The following CDHR3 variants were observed in gnomAD, a reference collection of about 807,000 sequenced individuals.
CDHR3 encodes cadherin-related family member 3.
A neutral mutation model predicts 86.6 loss-of-function variants in CDHR3; 79 were observed. The ratio of observed to expected loss-of-function variants is 0.91; its 90% CI spans 0.76 to 1.10. The LOEUF is 1.10. Ranked by LOEUF, CDHR3 falls within the 50% of genes least tolerant of loss-of-function variation. The pLI is 0.00. For missense variants in CDHR3, 1,081 were observed against 1,077.6 expected (o/e 1.00, Z -0.04); for synonymous variants, 421 against 402.4 (o/e 1.05, Z -0.55).
chr7:106,004,622 C>T lies in CDHR3; in HGVS notation c.987C>T (p.Ile329=), dbSNP rs369374609. ...DRPYGGQENR[I]QITFIVEDVN... is the part of the protein sequence containing the mutation. ...CATATGGGGGTCAGGAGAATCGCAT[C>T]CAGATAACCTTCATTGTGGAAGACG... The change falls in exon 8 of 19, where the codon ATC becomes ATT. Residue 329 remains isoleucine (I), a synonymous_variant. Coordinates refer to ENST00000317716, the MANE Select transcript of CDHR3 (RefSeq NM_152750.5). 2.9e-5 allele frequency: 46 copies of T among 1,613,894 alleles called. No individual in the cohort carries two copies. The highest frequency in any genetic ancestry group is 1.6e-4 in the Middle Eastern group (1 of 6,084).
At chr7:106,002,256 G>A (rs1025412178) in intron 7 of CDHR3, among the ~76,000 whole-genome samples, 3 of 152,160 alleles carry the variant, frequency 2.0e-5, no homozygotes, top group Non-Finnish European at 4.4e-5. Context: ...AAAAGCATAC[G>A]AATTCATTTA....
intron 1 of CDHR3, among the ~76,000 whole-genome samples, chr7:105,971,106 A>G (rs574821198): frequency 6.0e-5 from 9 of 149,902 alleles, no homozygotes; most frequent in African/African-American, 2.0e-4. Context: ...GCGCCACTGC[A>G]TTCCAGCCTG....
At chr7:106,000,903 A>G (rs1221240937) in intron 6 of CDHR3, among the ~76,000 whole-genome samples, 3 of 132,340 alleles carry the variant, frequency 2.3e-5, no homozygotes, top group Admixed American at 1.6e-4. Flanking sequence ...CTCAGGCAAA[A>G]AAAAAAAAAA....
chr7:106,008,167 G>A (rs192634751), intron 8 of CDHR3, among the ~76,000 whole-genome samples: 32 of 152,254 alleles, frequency 2.1e-4, no homozygotes, highest in African/African-American at 7.5e-4. Flanking sequence ...CAACATGTGG[G>A]AGTTCAAGAT....
rs184488082 is a variant in CDHR3 at position 105,981,584 on chromosome 7, C to G, written c.415+451C>G. ...CAGTAACTAATGTCTTACAGGATCT[C>G]CCCCAAGCTCATGGCTTTGAGCATC... On this transcript the variant is annotated intron_variant, in intron 3 of 18. Coordinates refer to ENST00000317716, the MANE Select transcript of CDHR3 (RefSeq NM_152750.5). Among the ~76,000 whole-genome samples the G allele has an allele frequency of 4.6e-5, 7 of 152,296 alleles. No homozygotes were observed. In the East Asian group the frequency reaches 1.2e-3, roughly 25 times the overall value.
rs897976819 is a variant in CDHR3, at chr7:106,035,139, T to C, written c.*2442T>C. ...GAGAGTGGTGAGCAGCTGGTCTTTC[T>C]TCTCCAGTGATGACAGGGCAAGAGG... On this transcript the variant is annotated 3_prime_UTR_variant, in exon 19 of 19. Transcript: ENST00000317716. Among the ~76,000 whole-genome samples the C allele has an allele frequency of 6.6e-6, 1 of 151,984 alleles. No homozygotes were observed. Among genetic ancestry groups the C allele is most frequent in the African/African-American group, 2.4e-5 (1 of 41,370 alleles).
intron 10 of CDHR3, among the ~76,000 whole-genome samples, chr7:106,015,433 T>G (rs1200667017): frequency 1.3e-5 from 2 of 152,176 alleles, no homozygotes; most frequent in African/African-American, 4.8e-5. Context: ...TTCGAGCATC[T>G]CCTGTAGCTG....
chr7:105,998,374 A>G (rs1225766007), intron 6 of CDHR3, among the ~76,000 whole-genome samples: 2 of 152,248 alleles, frequency 1.3e-5, no homozygotes, highest in Non-Finnish European at 2.9e-5. Context: ...AGCAAGTCCT[A>G]TGTCTGTTCT....
In CDHR3 at chr7:106,030,870, T is replaced by C. The variant is rs757432308; in HGVS notation, c.2353+30T>C. 6 of 1,587,858 alleles carry C rather than the reference T, an allele frequency of 3.8e-6. No individual in the cohort carries two copies. The South Asian group carries it at 6.8e-5, about 18-fold the overall frequency. ...TTAAGTGGCAATACCACTGTAAGAA[T>C]GCTTTTTATATTCCAGACTGGTAGA... On this transcript the variant is annotated intron_variant, in intron 18 of 18. Coordinates refer to ENST00000317716, the MANE Select transcript of CDHR3 (RefSeq NM_152750.5). The surrounding 1 kb of genome is among the most constrained non-coding windows in gnomAD (Gnocchi z 4.8).
rs1838887572 is a variant in CDHR3 at position 106,035,931 on chromosome 7, A to G, written c.*3234A>G. On this transcript the variant is annotated 3_prime_UTR_variant, in exon 19 of 19. Transcript: ENST00000317716. ...ACAAAATTATCTGAATAAAATGAAG[A>G]CAGCAACCGTCGTGGATTTGGTGAA... 6.6e-6 allele frequency: 1 copy of G among 152,210 alleles called. No individual in the cohort carries two copies. 9.4% of individuals were successfully genotyped at this position (152,210 alleles called of 1,614,324 possible).
intron 4 of CDHR3, among the ~76,000 whole-genome samples, chr7:105,990,828 T>C (rs548574959): frequency 6.6e-6 from 1 of 152,330 alleles, no homozygotes; most frequent in South Asian, 2.1e-4. Flanking sequence ...GTTCCCCTCG[T>C]ACCCCAGGGA....
intron 2 of CDHR3, among the ~76,000 whole-genome samples, chr7:105,977,009 G>T (rs1828932939): frequency 6.8e-6 from 1 of 147,564 alleles, no homozygotes; most frequent in African/African-American, 2.5e-5. Context: ...TTGAGATGGG[G>T]TCTCACTATG....
At chr7:106,028,614 A>G in intron 17 of CDHR3, 32 bp downstream of exon 17, 2 of 1,613,124 alleles carry the variant, frequency 1.2e-6, no homozygotes, top group Non-Finnish European at 1.7e-6. Context: ...CACCAGGCAT[A>G]GACGCTGGGG....
At chr7:106,021,538 A>G (rs916046745) in intron 13 of CDHR3, among the ~76,000 whole-genome samples, 2 of 152,236 alleles carry the variant, frequency 1.3e-5, no homozygotes, top group Non-Finnish European at 2.9e-5. Context: ...TGGAGGAATG[A>G]GCGGGCATGT....
At chr7:106,018,936 G>A (rs1409338541) in intron 12 of CDHR3, among the ~76,000 whole-genome samples, 4 of 152,140 alleles carry the variant, frequency 2.6e-5, no homozygotes, top group Non-Finnish European at 5.9e-5. Context: ...TCCAAGTGGG[G>A]CGGCGCTGCT....
At chr7:106,026,612 A>G in intron 15 of CDHR3, 70 bp from the exon 16 acceptor site, 2 of 1,534,286 alleles carry the variant, frequency 1.3e-6, no homozygotes, top group South Asian at 2.2e-5. Context: ...AAAGAACCCC[A>G]TGGTGTCATG....
chr7:106,029,338 C>G (rs1837972540), intron 17 of CDHR3, among the ~76,000 whole-genome samples: 1 of 152,168 alleles, frequency 6.6e-6, no homozygotes, highest in Admixed American at 6.5e-5. Context: ...AGAAAGGGCC[C>G]TCCCTGGTCC....
At chr7:106,022,050 C>A in intron 13 of CDHR3, 148 bp from the exon 14 acceptor site, 3 of 975,228 alleles carry the variant, frequency 3.1e-6, no homozygotes, top group Non-Finnish European at 4.6e-6. Context: ...TAGCATATAA[C>A]TAATCCAGCT....
chr7:106,031,615 G>A (rs542275897), intron 18 of CDHR3, among the ~76,000 whole-genome samples: 1 of 152,296 alleles, frequency 6.6e-6, no homozygotes, highest in East Asian at 1.9e-4. Context: ...CTATTATTAG[G>A]TGCTTGTTAC....
Sources: allele counts gnomAD v4.1 joint callset (sites outside exome capture counted in the v4.1 genomes callset), GRCh38; gene constraint gnomAD v4.1.1; non-coding constraint Gnocchi (gnomAD v3.1); transcripts MANE v1.5; gene names NCBI Gene and HGNC (gene_info 2026-07-23, HGNC 2026-07-21).